The following SH3GL3 variants were observed in gnomAD, a reference collection of about 807,000 sequenced individuals.
The protein encoded by SH3GL3 is endophilin-A3.
Under a neutral mutation model 47.7 loss-of-function variants are expected in SH3GL3, and 33 were observed. The ratio of observed to expected loss-of-function variants is 0.69; its 90% confidence interval spans 0.52 to 0.92. The LOEUF is 0.92. SH3GL3 is among the 40% of genes least tolerant of loss of function. The pLI is 0.00. For synonymous variants in SH3GL3, 155 were observed against 148.8 expected (o/e 1.04, Z -0.30); for missense variants, 363 against 417.8 (o/e 0.87, Z 1.14).
At chr15:83,501,022 G>C (rs906964770) in intron 1 of SH3GL3, among the ~76,000 whole-genome samples, 1 of 152,116 alleles carries the variant, frequency 6.6e-6, no homozygotes, top group African/African-American at 2.4e-5. Flanking sequence ...CTGAAACTTA[G>C]TACTTTTTGG....
chr15:83,562,518 T>G (rs1057365092), intron 2 of SH3GL3, among the ~76,000 whole-genome samples: 10 of 152,208 alleles, frequency 6.6e-5, no homozygotes, highest in African/African-American at 2.4e-4. Context: ...ATTATAAATC[T>G]AAAATCCTCA....
intron 1 of SH3GL3, among the ~76,000 whole-genome samples, chr15:83,546,922 T>C (rs77390924): frequency 0.018 from 2,755 of 152,294 alleles, 36 homozygotes; most frequent in Non-Finnish European, 0.022. Context: ...GGTATCCAAA[T>C]TGCAAGACAA....
intron 1 of SH3GL3, among the ~76,000 whole-genome samples, chr15:83,509,846 T>G (rs76647084): frequency 0.032 from 4,879 of 152,256 alleles, 258 homozygotes; most frequent in African/African-American, 0.11. Context: ...CCCCACCAGT[T>G]TCACAAAGCC....
intron 1 of SH3GL3, among the ~76,000 whole-genome samples, chr15:83,509,086 T>A (rs536809519): frequency 1.6e-4 from 24 of 152,218 alleles, no homozygotes; most frequent in Non-Finnish European, 3.4e-4. Flanking sequence ...ATTAAGAAAC[T>A]ACACATTTAA....
chr15:83,582,251 T>C (rs1335994869), intron 6 of SH3GL3, among the ~76,000 whole-genome samples: 1 of 152,228 alleles, frequency 6.6e-6, no homozygotes, highest in East Asian at 1.9e-4. Flanking sequence ...CCATAGAAGA[T>C]GCCTATTTCA....
intron 8 of SH3GL3, among the ~76,000 whole-genome samples, chr15:83,589,072 G>A (rs2060024892): frequency 6.6e-6 from 1 of 151,698 alleles, no homozygotes; most frequent in Non-Finnish European, 1.5e-5. Context: ...GTTGAAATTA[G>A]CATTTTTGAG....
At chr15:83,495,531 T>C (rs2042043737) in intron 1 of SH3GL3, among the ~76,000 whole-genome samples, 1 of 152,094 alleles carries the variant, frequency 6.6e-6, no homozygotes, top group African/African-American at 2.4e-5. Flanking sequence ...GGTCAGGAGT[T>C]CAAGACCAGG....
intron 5 of SH3GL3, among the ~76,000 whole-genome samples, chr15:83,575,396 T>C (rs1042243833): frequency 5.9e-5 from 9 of 152,242 alleles, no homozygotes; most frequent in African/African-American, 2.2e-4. Flanking sequence ...CAGTTCTCTA[T>C]GCAACAAAAT....
intron 1 of SH3GL3, among the ~76,000 whole-genome samples, chr15:83,499,019 T>G (rs971905118): frequency 6.6e-6 from 1 of 152,170 alleles, no homozygotes; most frequent in Non-Finnish European, 1.5e-5. Flanking sequence ...CCTTTAAGAT[T>G]CTGTTGAAGC....
intron 1 of SH3GL3, among the ~76,000 whole-genome samples, chr15:83,482,560 C>A (rs1364498591): frequency 2.0e-5 from 3 of 151,262 alleles, no homozygotes; most frequent in African/African-American, 7.3e-5. Flanking sequence ...ATGGCGTGAT[C>A]TCGGCTCACT....
intron 1 of SH3GL3, among the ~76,000 whole-genome samples, chr15:83,480,102 T>C (rs2041279900): frequency 6.6e-6 from 1 of 152,318 alleles, no homozygotes; most frequent in African/African-American, 2.4e-5. Flanking sequence ...AACTAATTAG[T>C]TGTTTCTTTG....
At position 83,448,008 on chromosome 15, in the gene SH3GL3, A is replaced by G. The variant is rs1294043061; in HGVS notation, c.45+430A>G. On this transcript the variant is annotated intron_variant, in intron 1 of 8. Coordinates refer to ENST00000427482, the MANE Select transcript of SH3GL3 (RefSeq NM_003027.5). This position sits in a 1 kb window ranked among gnomAD's most constrained non-coding sequence, Gnocchi z 4.2. Reference sequence around the variant, plus strand: ...GTGGGGGGCCCATCCTCCACCGGCCACCGGCGCCTCCAGAGATGCTGTGTA... The same window carrying G: ...GTGGGGGGCCCATCCTCCACCGGCCGCCGGCGCCTCCAGAGATGCTGTGTA... Among the ~76,000 whole-genome samples, 1 of 152,084 alleles carries G rather than the reference A, an allele frequency of 6.6e-6. No individual in the cohort carries two copies. The highest frequency in any genetic ancestry group is 1.9e-4 in the East Asian group (1 of 5,154).
Position 83,610,853 on chromosome 15 carries a change from A to G in SH3GL3, c.839-7229A>G, listed in dbSNP as rs2060641162. On this transcript the variant is annotated intron_variant, in intron 8 of 8. Transcript: ENST00000427482. Reference sequence around the variant, plus strand: ...TAAACACTAACACCTGAGAGTTATTATTTCGTCCCTGTAGCTGAGTAGGGC... The same window carrying G: ...TAAACACTAACACCTGAGAGTTATTGTTTCGTCCCTGTAGCTGAGTAGGGC... Among the ~76,000 whole-genome samples the G allele has an allele frequency of 3.9e-5, 6 of 152,240 alleles. No individual in the cohort carries two copies. The South Asian group carries it at 1.2e-3, about 32-fold the overall frequency.
intron 1 of SH3GL3, among the ~76,000 whole-genome samples, chr15:83,490,559 G>C (rs763268983): frequency 2.0e-5 from 3 of 152,130 alleles, no homozygotes; most frequent in Admixed American, 6.5e-5. Flanking sequence ...TCATTTTCTT[G>C]GCCCTGAAGT....
intron 3 of SH3GL3, chr15:83,565,467 A>C: frequency 2.7e-6 from 1 of 373,372 alleles, no homozygotes; most frequent in South Asian, 4.2e-5. Context: ...GCACTGAGCA[A>C]AGGTTTTATG....
chr15:83,576,116 A>G (rs887088938), intron 5 of SH3GL3, among the ~76,000 whole-genome samples: 1 of 152,170 alleles, frequency 6.6e-6, no homozygotes, highest in African/African-American at 2.4e-5. Context: ...AACTTTACGG[A>G]GATCCGTTAA....
chr15:83,592,369 A>T (rs373521172), intron 8 of SH3GL3, among the ~76,000 whole-genome samples: 11 of 151,954 alleles, frequency 7.2e-5, no homozygotes, highest in African/African-American at 2.7e-4. Flanking sequence ...CCCTGCTCTT[A>T]TTTTAAATTG....
At chr15:83,471,630 C>T (rs73442650) in intron 1 of SH3GL3, among the ~76,000 whole-genome samples, 6,276 of 152,200 alleles carry the variant, frequency 0.041, 390 homozygotes, top group African/African-American at 0.14. Context: ...CTCATACTAC[C>T]GGACACAGGT....
intron 1 of SH3GL3, among the ~76,000 whole-genome samples, chr15:83,524,914 T>G (rs1353668916): frequency 6.6e-6 from 1 of 152,202 alleles, no homozygotes; most frequent in African/African-American, 2.4e-5. Flanking sequence ...ATTTATTTGT[T>G]GATGAACACA....
Sources: allele counts gnomAD v4.1 joint callset (sites outside exome capture counted in the v4.1 genomes callset), GRCh38; gene constraint gnomAD v4.1.1; non-coding constraint Gnocchi (gnomAD v3.1); transcripts MANE v1.5; gene names NCBI Gene and HGNC (gene_info 2026-07-23, HGNC 2026-07-21).